The following RABGAP1L variants were observed in gnomAD, a reference collection of about 807,000 sequenced individuals.
RABGAP1L encodes the protein RAB GTPase activating protein 1 like.
A neutral mutation model predicts 137.7 loss-of-function variants in RABGAP1L; 63 were observed. The ratio of observed to expected loss-of-function variants is 0.46; its 90% confidence interval spans 0.37 to 0.56. RABGAP1L has a LOEUF of 0.56. Among genes scored for constraint, RABGAP1L ranks in the 20% least tolerant of loss-of-function variants. RABGAP1L has a pLI of 0.00. For synonymous variants in RABGAP1L, 431 were observed against 433.7 expected (o/e 0.99, Z 0.08); for missense variants, 1,095 against 1,244.0 (o/e 0.88, Z 1.80).
chr1:174,405,566 T>C (rs1649163276), intron 13 of RABGAP1L, among the ~76,000 whole-genome samples: 1 of 152,212 alleles, frequency 6.6e-6, no homozygotes, highest in Non-Finnish European at 1.5e-5. Context: ...AGAAAATGTA[T>C]AGTTACTAAA....
At chr1:174,671,634 C>G (rs1677182624) in intron 14 of RABGAP1L, among the ~76,000 whole-genome samples, 1 of 152,164 alleles carries the variant, frequency 6.6e-6, no homozygotes, top group South Asian at 2.1e-4. Context: ...AGTGAATCAT[C>G]CTTGCATCCC....
At chr1:174,234,053 A>G (rs1353591541) in intron 4 of RABGAP1L, among the ~76,000 whole-genome samples, 1 of 135,468 alleles carries the variant, frequency 7.4e-6, no homozygotes, top group Non-Finnish European at 1.5e-5. Context: ...TTTTGGCTGC[A>G]TAAATGTCTT....
chr1:174,325,433 G>C (rs937758266), intron 11 of RABGAP1L, among the ~76,000 whole-genome samples: 3 of 152,186 alleles, frequency 2.0e-5, no homozygotes, highest in East Asian at 1.9e-4. Flanking sequence ...ACATATGAAA[G>C]TACCTTCATA....
At chr1:174,910,762 G>T (rs947388675) in intron 19 of RABGAP1L, among the ~76,000 whole-genome samples, 1 of 152,076 alleles carries the variant, frequency 6.6e-6, no homozygotes, top group Non-Finnish European at 1.5e-5. Flanking sequence ...AGTCAGAGAC[G>T]ATCTGTGCAA....
intron 19 of RABGAP1L, chr1:174,874,401 G>T: frequency 3.3e-6 from 3 of 914,032 alleles, no homozygotes; most frequent in Non-Finnish European, 3.9e-6. Flanking sequence ...TAAATGACTT[G>T]CCCGGGGACG....
chr1:174,234,673 T>C (rs925407838), intron 4 of RABGAP1L, among the ~76,000 whole-genome samples: 2 of 151,316 alleles, frequency 1.3e-5, no homozygotes, highest in Non-Finnish European at 2.9e-5. Flanking sequence ...ACTGTAGCCT[T>C]GTAGTATAGT....
intron 11 of RABGAP1L, among the ~76,000 whole-genome samples, chr1:174,305,885 A>G (rs1678189671): frequency 6.6e-6 from 1 of 152,088 alleles, no homozygotes; most frequent in African/African-American, 2.4e-5. Context: ...CATTTATATT[A>G]GGTATCTCTC....
chr1:174,171,731 G>GGTGGCTC (rs1665405414), intron 1 of RABGAP1L, among the ~76,000 whole-genome samples: 1 of 151,248 alleles, frequency 6.6e-6, no homozygotes, highest in East Asian at 1.9e-4. Context: ...CGCTGGGTGT[G>GGTGGCTC]GTGGCTCACG....
At position 174,910,138 on chromosome 1, in the gene RABGAP1L, CA is replaced by C. The variant is rs1055654036; in HGVS notation, c.2341-47310del. On this transcript the variant is annotated intron_variant, in intron 19 of 25. Coordinates refer to ENST00000681986, the MANE Select transcript of RABGAP1L (RefSeq NM_001366446.1). ...TGGGTGACAGAGTGAGAGTCTGTCTCAAAAAAAAACACAAACAAACAAGTAA... is the reference window on the plus strand; with the variant it reads ...TGGGTGACAGAGTGAGAGTCTGTCTCAAAAAAAACACAAACAAACAAGTAA... Among the ~76,000 whole-genome samples, 7 of 147,952 alleles carry C rather than the reference CA, an allele frequency of 4.7e-5. No individual in the cohort carries two copies. In the East Asian group the frequency reaches 1.2e-3, roughly 25 times the overall value.
At chr1:174,384,608 A>C (rs1022051737) in intron 12 of RABGAP1L, among the ~76,000 whole-genome samples, 4 of 152,018 alleles carry the variant, frequency 2.6e-5, no homozygotes, top group Non-Finnish European at 4.4e-5. Context: ...CAGTGCCTTC[A>C]TTATACCTTG....
chr1:174,205,053 G>A (rs1262232131), intron 1 of RABGAP1L, among the ~76,000 whole-genome samples: 1 of 152,158 alleles, frequency 6.6e-6, no homozygotes, highest in Non-Finnish European at 1.5e-5. Flanking sequence ...CTTCTCTTGA[G>A]ATAATCACGT....
chr1:174,676,068 A>C (rs1677601051), intron 14 of RABGAP1L, among the ~76,000 whole-genome samples: 1 of 152,140 alleles, frequency 6.6e-6, no homozygotes, highest in Non-Finnish European at 1.5e-5. Context: ...TCTGTAATGG[A>C]TGGCCTGGGA....
At position 174,877,555 on chromosome 1, in the gene RABGAP1L, G is replaced by A. The variant is rs201630284; in HGVS notation, c.2340+65595G>A. 74 of 1,613,958 alleles carry A rather than the reference G, an allele frequency of 4.6e-5. No homozygotes were observed. The East Asian group carries it at 4.7e-4, about 10-fold the overall frequency. On this transcript the variant is annotated intron_variant, in intron 19 of 25. Coordinates refer to ENST00000681986, the MANE Select transcript of RABGAP1L (RefSeq NM_001366446.1). ...CGCCCATGTTTTCAGCCAGCTGCAC[G>A]ATGAAGACTTCCTCACTAGTCTGGT...
intron 13 of RABGAP1L, among the ~76,000 whole-genome samples, chr1:174,596,896 T>G (rs1016913408): frequency 4.6e-5 from 7 of 152,152 alleles, no homozygotes; most frequent in Admixed American, 2.6e-4. Context: ...TCTATCCAGT[T>G]TTTTTAGGTT....
intron 13 of RABGAP1L, among the ~76,000 whole-genome samples, chr1:174,596,284 C>G (rs966692915): frequency 2.6e-5 from 4 of 150,970 alleles, no homozygotes; most frequent in Non-Finnish European, 5.9e-5. Context: ...CCCGGTACCT[C>G]AGATGGAAAT....
intron 18 of RABGAP1L, among the ~76,000 whole-genome samples, chr1:174,785,589 G>A (rs529036429): frequency 3.9e-5 from 6 of 152,130 alleles, no homozygotes; most frequent in South Asian, 4.1e-4. Flanking sequence ...AAAATAATGC[G>A]TTCTCATTTC....
chr1:174,208,284 A>G (rs914837403), intron 1 of RABGAP1L, among the ~76,000 whole-genome samples: 7 of 151,470 alleles, frequency 4.6e-5, no homozygotes, highest in African/African-American at 1.7e-4. Context: ...TCTCTTTTTG[A>G]ATCTTTAGGT....
At chr1:174,406,464 G>T (rs190359720) in intron 13 of RABGAP1L, among the ~76,000 whole-genome samples, 2 of 152,196 alleles carry the variant, frequency 1.3e-5, no homozygotes, top group Non-Finnish European at 2.9e-5. Flanking sequence ...GATGTTAGAG[G>T]TTATTGTTGA....
At chr1:174,461,598 G>A (rs1221251602) in intron 13 of RABGAP1L, among the ~76,000 whole-genome samples, 3 of 152,130 alleles carry the variant, frequency 2.0e-5, no homozygotes, top group African/African-American at 7.2e-5. Context: ...GAGCCGAATT[G>A]AATTTAATTG....
Sources: allele counts gnomAD v4.1 joint callset (sites outside exome capture counted in the v4.1 genomes callset), GRCh38; gene constraint gnomAD v4.1.1; transcripts MANE v1.5; gene names NCBI Gene and HGNC (gene_info 2026-07-23, HGNC 2026-07-21).